KAZN: variants seen among roughly 807,000 people sequenced by gnomAD.
KAZN encodes the protein kazrin, periplakin interacting protein.
KAZN carries 40 observed loss-of-function variants against 87.4 expected under a neutral mutation model. The ratio of observed to expected loss-of-function variants is 0.46; its 90% CI spans 0.36 to 0.60. The LOEUF (loss-of-function observed/expected upper bound fraction) is 0.60. KAZN is among the 20% of genes least tolerant of loss of function. The pLI is 0.00. For missense variants in KAZN, 898 were observed against 1,073.9 expected (o/e 0.84, Z 2.29); for synonymous variants, 466 against 458.3 (o/e 1.02, Z -0.22).
At chr1:14,457,338 T>G (rs1667619497) in intron 2 of KAZN, among the ~76,000 whole-genome samples, 1 of 152,326 alleles carries the variant, frequency 6.6e-6, no homozygotes, top group Admixed American at 6.5e-5. Flanking sequence ...TACCTGTTCG[T>G]TCCTTTCCCA....
At chr1:13,993,958 A>C (rs1279387040) in intron 1 of KAZN, among the ~76,000 whole-genome samples, 1 of 152,242 alleles carries the variant, frequency 6.6e-6, no homozygotes, top group Non-Finnish European at 1.5e-5. Context: ...TTGTTTTACA[A>C]ATGAGTCTTT....
At chr1:14,330,702 G>A (rs903145730) in intron 2 of KAZN, among the ~76,000 whole-genome samples, 4 of 152,110 alleles carry the variant, frequency 2.6e-5, no homozygotes, top group East Asian at 1.9e-4. Flanking sequence ...TGGTCATCAC[G>A]GACTTTCAGA....
intron 1 of KAZN, among the ~76,000 whole-genome samples, chr1:14,615,231 C>T (rs1237457056): frequency 6.6e-6 from 1 of 152,192 alleles, no homozygotes; most frequent in Non-Finnish European, 1.5e-5. Context: ...TGCCGACCAC[C>T]TGCTGGAAAC....
intron 1 of KAZN, among the ~76,000 whole-genome samples, chr1:14,066,132 A>G (rs4661469): frequency 6.6e-6 from 1 of 152,204 alleles, no homozygotes; most frequent in African/African-American, 2.4e-5. Context: ...CTCCAGCTAC[A>G]TCCAAGTTGC....
At chr1:15,076,612 C>CA (rs1557782114) in intron 8 of KAZN, among the ~76,000 whole-genome samples, 24 of 152,232 alleles carry the variant, frequency 1.6e-4, no homozygotes, top group African/African-American at 5.8e-4. Flanking sequence ...GGAACCCAGG[C>CA]CCTGAGTCTG....
At chr1:14,656,074 C>T (rs748731013) in intron 1 of KAZN, among the ~76,000 whole-genome samples, 6 of 152,162 alleles carry the variant, frequency 3.9e-5, no homozygotes, top group Non-Finnish European at 5.9e-5. Context: ...GCCTGTGTTC[C>T]ATGGGACAGG....
At chr1:14,041,368 T>G (rs1260372744) in intron 1 of KAZN, among the ~76,000 whole-genome samples, 1 of 152,226 alleles carries the variant, frequency 6.6e-6, no homozygotes, top group African/African-American at 2.4e-5. Flanking sequence ...CTTTATGATT[T>G]TATTTCCTTT....
chr1:14,235,392 T>A (rs549612524), intron 2 of KAZN, among the ~76,000 whole-genome samples: 2 of 152,232 alleles, frequency 1.3e-5, no homozygotes, highest in South Asian at 2.1e-4. Flanking sequence ...ATTTCATTTA[T>A]GCGAATGGTC....
intron 2 of KAZN, among the ~76,000 whole-genome samples, chr1:14,461,437 C>T (rs1667845192): frequency 6.6e-6 from 1 of 152,124 alleles, no homozygotes; most frequent in Non-Finnish European, 1.5e-5. Flanking sequence ...TCTTGTCTGC[C>T]ACCATGTAAG....
intron 1 of KAZN, among the ~76,000 whole-genome samples, chr1:14,892,274 C>T (rs552068748): frequency 2.0e-5 from 3 of 152,246 alleles, no homozygotes; most frequent in Admixed American, 6.5e-5. Context: ...GTCCCTGCCC[C>T]GGGGCTCGCC....
chr1:15,109,999 G>A (rs980346991), intron 13 of KAZN, among the ~76,000 whole-genome samples: 2 of 132,694 alleles, frequency 1.5e-5, no homozygotes, highest in East Asian at 4.2e-4. Flanking sequence ...GTGGGTATAT[G>A]TGTGTTGTGT....
chr1:15,061,507 T>C (rs1010807494), intron 6 of KAZN: 4 of 152,166 alleles, frequency 2.6e-5, no homozygotes, highest in African/African-American at 9.7e-5. Flanking sequence ...CTCTTTTTTA[T>C]TGTTTTATTT....
intron 1 of KAZN, among the ~76,000 whole-genome samples, chr1:14,636,021 T>G (rs950933791): frequency 6.6e-6 from 1 of 152,272 alleles, no homozygotes; most frequent in African/African-American, 2.4e-5. Flanking sequence ...AAAAATATAC[T>G]CTACTCCCCT....
chr1:14,355,284 C>T (rs150667749), intron 2 of KAZN, among the ~76,000 whole-genome samples: 1 of 152,252 alleles, frequency 6.6e-6, no homozygotes, highest in East Asian at 1.9e-4. Flanking sequence ...ATAGCTCAAA[C>T]TATGTGCTTA....
intron 1 of KAZN, among the ~76,000 whole-genome samples, chr1:14,638,079 C>G (rs1474090242): frequency 6.6e-6 from 1 of 152,162 alleles, no homozygotes; most frequent in Non-Finnish European, 1.5e-5. Context: ...GTCTTCGTCT[C>G]CGTGTGTCCT....
At chr1:14,677,675 C>A (rs1284244501) in intron 1 of KAZN, among the ~76,000 whole-genome samples, 1 of 152,176 alleles carries the variant, frequency 6.6e-6, no homozygotes, top group African/African-American at 2.4e-5. Flanking sequence ...GAGGAGGACA[C>A]TTCCAGGCCT....
At position 14,111,241 on chromosome 1, in the gene KAZN, C is replaced by T. The variant is rs773583023; in HGVS notation, c.92-69194C>T. Among the ~76,000 whole-genome samples the T allele has an allele frequency of 1.0e-4, 14 of 134,442 alleles. 3 individuals are homozygous for T. Among genetic ancestry groups the T allele is most frequent in the Admixed American group, 2.2e-4 (3 of 13,582 alleles). The allele number at this position is 134,442 out of a possible 152,430, so 88.2% of individuals were successfully genotyped here. A position where few individuals can be genotyped will look rare whatever the true frequency, so the allele number is the denominator to read the frequency against. On this transcript the variant is annotated intron_variant, in intron 1 of 16. Transcript: ENST00000636203. The stretch of plus-strand genomic sequence containing the variant: ...AGGGCGCCTAGCCACAGCACACACG[C>T]GGGCTGCAGTCCAGGATATGCCGAT...
chr1:15,085,314 T>C (rs573382856), intron 8 of KAZN, among the ~76,000 whole-genome samples: 2 of 152,278 alleles, frequency 1.3e-5, no homozygotes, highest in Admixed American at 1.3e-4. Context: ...TCAGCCACAT[T>C]TTACCTCTGC....
chr1:15,036,325 C>CCCTG (rs1383287637), intron 3 of KAZN, among the ~76,000 whole-genome samples: 5 of 26,560 alleles, frequency 1.9e-4, no homozygotes, highest in African/African-American at 8.9e-4. Flanking sequence ...GCCTAGCCTG[C>CCCTG]CCCGCCCGGC....
Sources: gnomAD v4.1 joint callset for allele counts (sites outside exome capture counted in the v4.1 genomes callset) on GRCh38, gnomAD v4.1.1 for gene constraint, MANE v1.5 for transcripts, NCBI Gene and HGNC (gene_info 2026-07-23, HGNC 2026-07-21) for gene names.